The following PCDHAC1 variants were observed in gnomAD, a reference collection of about 807,000 sequenced individuals.
The protein encoded by PCDHAC1 is protocadherin alpha subfamily C, 1, also known as protocadherin alpha-C1.
Under a neutral mutation model 60.0 loss-of-function variants are expected in PCDHAC1, and 42 were observed. The observed-to-expected ratio is 0.70, with a 90% CI of 0.55 to 0.90. The LOEUF (loss-of-function observed/expected upper bound fraction) is 0.90. PCDHAC1 is among the 40% of genes least tolerant of loss of function. PCDHAC1 has a pLI of 0.00. For missense variants in PCDHAC1, 1,160 were observed against 1,222.3 expected, an observed-to-expected ratio of 0.95 and a Z score of 0.76; for synonymous variants, 468 against 499.3, an observed-to-expected ratio of 0.94 and a Z score of 0.84.
Position 140,927,142 on chromosome 5 carries a change from G to T in PCDHAC1, c.250G>T (p.Glu84Ter), listed in dbSNP as rs781883795. The change falls in exon 1 of 4, where the codon GAA becomes TAA. Residue 84 changes from glutamate to a stop codon, truncating the protein, a stop_gained. Transcript: ENST00000253807. LOFTEE classifies it high-confidence loss of function. The part of the protein sequence containing the change: ...NLVVREPADR[E>*]QLCRAKAACV... ...GGTGGTCAGAGAGCCGGCGGACCGC[G>T]AACAGCTGTGCAGGGCCAAAGCTGC... The T allele has an allele frequency of 6.2e-7, 1 of 1,614,128 alleles. No individual in the cohort carries two copies. Among genetic ancestry groups the T allele is most frequent in the South Asian group, 1.1e-5 (1 of 91,084 alleles).
intron 3 of PCDHAC1, among the ~76,000 whole-genome samples, chr5:140,999,527 C>G (rs578180518): frequency 6.6e-6 from 1 of 152,088 alleles, no homozygotes; most frequent in Non-Finnish European, 1.5e-5. Context: ...TTGTTACCCC[C>G]TGGATATGAC....
At chr5:140,943,237 C>T (rs1364015851) in intron 1 of PCDHAC1, among the ~76,000 whole-genome samples, 1 of 121,190 alleles carries the variant, frequency 8.3e-6, no homozygotes, top group African/African-American at 3.3e-5. Flanking sequence ...CAGCCTGGGT[C>T]ACAGAGTGAG....
chr5:140,943,005 C>T (rs1383622610), intron 1 of PCDHAC1, among the ~76,000 whole-genome samples: 2 of 151,608 alleles, frequency 1.3e-5, no homozygotes, highest in African/African-American at 4.8e-5. Context: ...GCCTGTAATC[C>T]CAGCACTTTG....
At chr5:140,941,255 C>CTTTCTTTCTTTCTTTCTCTT (rs782490896) in intron 1 of PCDHAC1, among the ~76,000 whole-genome samples, 1 of 44,508 alleles carries the variant, frequency 2.2e-5, no homozygotes, top group Non-Finnish European at 5.1e-5. Context: ...TTCTTTCTTT[C>CTTTCTTTCTTTCTTTCTCTT]TCTTTCTTTC....
chr5:140,974,709 C>T (rs1385583490), intron 1 of PCDHAC1, among the ~76,000 whole-genome samples: 1 of 152,092 alleles, frequency 6.6e-6, no homozygotes, highest in Non-Finnish European at 1.5e-5. Flanking sequence ...CCATGTTGTT[C>T]AAGCTGCTCT....
Position 140,993,462 on chromosome 5 carries a change from T to A in PCDHAC1, c.2581+10899T>A, listed in dbSNP as rs540334246. Among the ~76,000 whole-genome samples, 1,220 of 141,042 alleles carry A rather than the reference T, an allele frequency of 8.6e-3. 14 individuals carry two copies. The highest frequency in any genetic ancestry group is 0.02 in the African/African-American group (760 of 37,958). 92.5% of individuals were successfully genotyped at this position (141,042 alleles called of 152,430 possible). A position where few individuals can be genotyped will look rare whatever the true frequency, so the allele number is the denominator to read the frequency against. On this transcript the variant is annotated intron_variant, in intron 3 of 3. Coordinates refer to ENST00000253807, the MANE Select transcript of PCDHAC1 (RefSeq NM_018898.5). ...CATTCCTGTTCTCCTTCTTTCTTTC[T>A]CACACACACACACACACACACACAC...
chr5:141,009,739 C>A lies in PCDHAC1; in HGVS notation c.2694C>A (p.Pro898=), dbSNP rs370989006. Residue 898 remains proline, a synonymous_variant, in exon 4 of 4, where the codon CCC becomes CCA. Transcript: ENST00000253807. ...AACAATCCGGTCCCGGTGAGTTGCC[C>A]GACAAATTCATTATCCCAGGATCTC... ...NPKQSGPGEL[P]DKFIIPGSPA... 2 of 1,614,010 alleles carry A rather than the reference C, an allele frequency of 1.2e-6. No homozygotes were observed. Among genetic ancestry groups the A allele is most frequent in the Non-Finnish European group, 1.7e-6 (2 of 1,180,008 alleles).
chr5:141,009,771 T>A lies in PCDHAC1; in HGVS notation c.2726T>A (p.Ile909Asn). The change falls in exon 4 of 4, where the codon ATC (isoleucine) becomes AAC (asparagine). Residue 909 changes from isoleucine (I) to asparagine (N), a missense_variant. Transcript: ENST00000253807. The part of the protein sequence containing the change: ...DKFIIPGSPA[I>N]ISIRQEPTNS... ...TTCATTATCCCAGGATCTCCTGCAA[T>A]CATCTCCATCCGGCAGGAGCCTACT... 3 of 1,614,082 alleles carry A rather than the reference T, an allele frequency of 1.9e-6. No homozygotes were observed. Among genetic ancestry groups the A allele is most frequent in the Non-Finnish European group, 2.5e-6 (3 of 1,180,020 alleles).
intron 3 of PCDHAC1, among the ~76,000 whole-genome samples, chr5:140,997,684 G>A (rs2097780776): frequency 6.6e-6 from 1 of 152,116 alleles, no homozygotes; most frequent in African/African-American, 2.4e-5. Context: ...GTGTGTGTGT[G>A]TGTGTGTGTG....
intron 1 of PCDHAC1, among the ~76,000 whole-genome samples, chr5:140,937,638 C>T (rs1563161991): frequency 6.7e-6 from 1 of 150,048 alleles, no homozygotes; most frequent in Non-Finnish European, 1.5e-5. Flanking sequence ...AAAGGCAGGG[C>T]ATGGTGGCTC....
At chr5:140,986,135 A>G (rs2097188048) in intron 3 of PCDHAC1, among the ~76,000 whole-genome samples, 1 of 152,256 alleles carries the variant, frequency 6.6e-6, no homozygotes, top group Non-Finnish European at 1.5e-5. Flanking sequence ...GAAAGGATCA[A>G]CAAGGGCATC....
At chr5:140,967,320 A>G in intron 1 of PCDHAC1, 6 of 1,609,774 alleles carry the variant, frequency 3.7e-6, no homozygotes, top group Non-Finnish European at 5.1e-6. Context: ...GTACAGACCT[A>G]CGAGCTCAGC....
intron 1 of PCDHAC1, among the ~76,000 whole-genome samples, chr5:140,974,022 A>G (rs1348109814): frequency 2.0e-5 from 3 of 152,248 alleles, no homozygotes; most frequent in African/African-American, 4.8e-5. Context: ...TGATAATACA[A>G]CTATAAATTT....
At chr5:140,941,505 C>T (rs536733497) in intron 1 of PCDHAC1, among the ~76,000 whole-genome samples, 11 of 151,390 alleles carry the variant, frequency 7.3e-5, no homozygotes, top group East Asian at 1.9e-4. Flanking sequence ...TTAGTAGAGA[C>T]GAGGTTTCAC....
In PCDHAC1 at chr5:141,010,369, G is replaced by A. The variant is rs963959073; in HGVS notation, c.*432G>A. The A allele has an allele frequency of 1.8e-4, 270 of 1,474,338 alleles. No homozygotes were observed. The highest frequency in any genetic ancestry group is 7.1e-5 in the Non-Finnish European group (79 of 1,109,414). 91.3% of individuals were successfully genotyped at this position (1,474,338 alleles called of 1,614,324 possible). On this transcript the variant is annotated 3_prime_UTR_variant, in exon 4 of 4. Transcript: ENST00000253807. ...GTATGTGTGGCTACCGCGGGTATGCGAGTGCCAGATATTGGCTGAGACGAG... is the reference window on the plus strand; with the variant it reads ...GTATGTGTGGCTACCGCGGGTATGCAAGTGCCAGATATTGGCTGAGACGAG...
At chr5:140,979,067 A>C (rs1938790025) in intron 2 of PCDHAC1, 60 bp downstream of exon 2, 1 of 1,601,882 alleles carries the variant, frequency 6.2e-7, no homozygotes, top group Non-Finnish European at 8.5e-7. Flanking sequence ...GCTCAGATAA[A>C]CTGCATCTCC....
intron 1 of PCDHAC1, among the ~76,000 whole-genome samples, chr5:140,935,657 T>C (rs2090486652): frequency 1.3e-5 from 2 of 152,176 alleles, no homozygotes; most frequent in Non-Finnish European, 2.9e-5. Flanking sequence ...TTTAATTTTC[T>C]TTTATAATTA....
chr5:140,956,408 C>T (rs1192859348), intron 1 of PCDHAC1, among the ~76,000 whole-genome samples: 1 of 152,122 alleles, frequency 6.6e-6, no homozygotes, highest in Non-Finnish European at 1.5e-5. Context: ...TTGAGATAAT[C>T]ATGTGGGTTT....
At chr5:141,000,833 G>A (rs1554257850) in intron 3 of PCDHAC1, among the ~76,000 whole-genome samples, 2 of 151,930 alleles carry the variant, frequency 1.3e-5, no homozygotes, top group Non-Finnish European at 2.9e-5. Flanking sequence ...CTTGAGTCCA[G>A]GAGATCCAGT....
Sources: allele counts gnomAD v4.1 joint callset (sites outside exome capture counted in the v4.1 genomes callset), GRCh38; gene constraint gnomAD v4.1.1; transcripts MANE v1.5; gene names NCBI Gene and HGNC (gene_info 2026-07-23, HGNC 2026-07-21).